PTPRM: variants seen among roughly 807,000 people sequenced by gnomAD.
The protein encoded by PTPRM is receptor-type tyrosine-protein phosphatase mu.
PTPRM carries 47 observed loss-of-function variants against 186.7 expected under a neutral mutation model. The observed-to-expected ratio is 0.25, with a 90% confidence interval of 0.20 to 0.32. PTPRM has a LOEUF of 0.32. Ranked by LOEUF, PTPRM falls within the 10% of genes least tolerant of loss-of-function variation. The probability of loss-of-function intolerance (pLI) is 1.00; values close to 1 mark genes in which losing one functional copy is unlikely to be tolerated. For missense variants in PTPRM, 1,494 were observed against 1,865.0 expected, an observed-to-expected ratio of 0.80 and a Z score of 3.66; for synonymous variants, 668 against 674.9, an observed-to-expected ratio of 0.99 and a Z score of 0.16.
intron 1 of PTPRM, among the ~76,000 whole-genome samples, chr18:7,719,151 C>A (rs2040400318): frequency 6.6e-6 from 1 of 152,118 alleles, no homozygotes; most frequent in Non-Finnish European, 1.5e-5. Context: ...AATATAAATG[C>A]CCATCAGCCA....
At chr18:8,126,565 T>C (rs2092369255) in intron 13 of PTPRM, among the ~76,000 whole-genome samples, 1 of 152,168 alleles carries the variant, frequency 6.6e-6, no homozygotes, top group Non-Finnish European at 1.5e-5. Flanking sequence ...GCTGACTGTC[T>C]GTCCATTTCT....
intron 1 of PTPRM, among the ~76,000 whole-genome samples, chr18:7,715,404 T>G (rs2040305780): frequency 6.6e-6 from 1 of 152,188 alleles, no homozygotes; most frequent in Non-Finnish European, 1.5e-5. Context: ...AATATCATAC[T>G]GAATGGGCAA....
intron 14 of PTPRM, among the ~76,000 whole-genome samples, chr18:8,167,335 T>C (rs1188873893): frequency 6.6e-6 from 1 of 152,172 alleles, no homozygotes; most frequent in African/African-American, 2.4e-5. Context: ...AAACAAAGCC[T>C]GTTGTTGCTT....
intron 11 of PTPRM, among the ~76,000 whole-genome samples, chr18:8,097,371 A>T (rs2091064356): frequency 6.6e-6 from 1 of 152,100 alleles, no homozygotes; most frequent in African/African-American, 2.4e-5. Flanking sequence ...CTCTACTTCT[A>T]CCTGCTAAGT....
intron 1 of PTPRM, among the ~76,000 whole-genome samples, chr18:7,720,537 A>G (rs570563275): frequency 3.9e-4 from 59 of 152,312 alleles, no homozygotes; most frequent in African/African-American, 1.4e-3. Context: ...TTTAAGGTAT[A>G]CAGTTCACTA....
chr18:7,929,340 T>C (rs112858229), intron 5 of PTPRM, among the ~76,000 whole-genome samples: 9 of 152,334 alleles, frequency 5.9e-5, no homozygotes, highest in African/African-American at 2.2e-4. Flanking sequence ...GGTAGTTGTT[T>C]TCACAGTCGG....
intron 7 of PTPRM, among the ~76,000 whole-genome samples, chr18:7,964,869 G>T (rs1296681529): frequency 6.6e-6 from 1 of 151,930 alleles, no homozygotes; most frequent in Non-Finnish European, 1.5e-5. Context: ...GTGACCCAGG[G>T]TCCCTGTTCT....
chr18:8,056,626 GA>G (rs775371004), intron 7 of PTPRM, among the ~76,000 whole-genome samples: 1,874 of 121,422 alleles, frequency 0.015, 20 homozygotes, highest in South Asian at 0.036. Context: ...CATCTCAGAA[GA>G]AAAAAAAAAA....
At chr18:8,216,989 A>C (rs1372738062) in intron 14 of PTPRM, among the ~76,000 whole-genome samples, 1 of 152,210 alleles carries the variant, frequency 6.6e-6, no homozygotes, top group East Asian at 1.9e-4. Flanking sequence ...TGCTTATGGA[A>C]ATAGCTTCGC....
At chr18:7,600,856 A>G (rs568588912) in intron 1 of PTPRM, among the ~76,000 whole-genome samples, 1 of 152,286 alleles carries the variant, frequency 6.6e-6, no homozygotes, top group East Asian at 1.9e-4. Context: ...ACTTGTGTCT[A>G]CCTGGGCCTC....
intron 2 of PTPRM, among the ~76,000 whole-genome samples, chr18:7,866,842 G>C (rs1007520349): frequency 9.9e-5 from 15 of 152,082 alleles, no homozygotes; most frequent in Non-Finnish European, 2.9e-5. Flanking sequence ...ATAGGTCTCT[G>C]TGAACTTGCT....
chr18:7,813,473 G>A (rs1007646631), intron 2 of PTPRM, among the ~76,000 whole-genome samples: 16 of 152,092 alleles, frequency 1.1e-4, no homozygotes, highest in African/African-American at 2.9e-4. Context: ...TGGTAACCAC[G>A]TAAGAAATAC....
At chr18:7,613,596 C>A (rs902741927) in intron 1 of PTPRM, among the ~76,000 whole-genome samples, 84 of 152,176 alleles carry the variant, frequency 5.5e-4, no homozygotes, top group African/African-American at 2.0e-3. Context: ...TCAGTTGAAT[C>A]CAGGAGGTGG....
chr18:8,092,454 C>T lies in PTPRM; in HGVS notation c.1856+3603C>T, dbSNP rs186013056. On this transcript the variant is annotated intron_variant, in intron 11 of 32. Coordinates refer to ENST00000580170, the MANE Select transcript of PTPRM (RefSeq NM_001105244.2). ...TTTGAGACAGGTTCTCACTCTATTG[C>T]CCAGGCTAGAGTATAGTGGTGCAAT... Among the ~76,000 whole-genome samples, 263 of 152,098 alleles carry T rather than the reference C, an allele frequency of 1.7e-3. 1 individual carries two copies. The highest frequency in any genetic ancestry group is 5.9e-3 in the African/African-American group (244 of 41,506).
At chr18:7,909,790 C>T (rs1163255082) in intron 4 of PTPRM, among the ~76,000 whole-genome samples, 1 of 151,184 alleles carries the variant, frequency 6.6e-6, no homozygotes, top group Admixed American at 6.6e-5. Context: ...TATTCTGATA[C>T]AAGTATATAG....
intron 5 of PTPRM, among the ~76,000 whole-genome samples, chr18:7,945,942 C>T (rs2052493302): frequency 6.6e-6 from 1 of 152,170 alleles, no homozygotes; most frequent in Non-Finnish European, 1.5e-5. Flanking sequence ...TGCTTGGTTT[C>T]TCCTCCCTAT....
At chr18:7,740,021 A>C (rs989768703) in intron 1 of PTPRM, among the ~76,000 whole-genome samples, 1 of 152,252 alleles carries the variant, frequency 6.6e-6, no homozygotes, top group African/African-American at 2.4e-5. Flanking sequence ...ATTTAAACTC[A>C]TAAAAATTAA....
chr18:7,895,611 G>A (rs1449573391), intron 3 of PTPRM, among the ~76,000 whole-genome samples: 1 of 152,184 alleles, frequency 6.6e-6, no homozygotes, highest in Non-Finnish European at 1.5e-5. Flanking sequence ...AGGGACCGCT[G>A]TGTTGGGCTC....
At chr18:8,276,523 T>C (rs986421279) in intron 19 of PTPRM, among the ~76,000 whole-genome samples, 4 of 152,196 alleles carry the variant, frequency 2.6e-5, no homozygotes, top group Non-Finnish European at 5.9e-5. Context: ...CTAACAGCAG[T>C]TGATGTTATT....
Sources: allele counts gnomAD v4.1 joint callset (sites outside exome capture counted in the v4.1 genomes callset), GRCh38; gene constraint gnomAD v4.1.1; transcripts MANE v1.5; gene names NCBI Gene and HGNC (gene_info 2026-07-23, HGNC 2026-07-21).